Variants in ZNF609 observed in about 807,000 individuals in gnomAD.
ZNF609 encodes zinc finger protein 609.
ZNF609 carries 11 observed loss-of-function variants against 109.5 expected under a neutral mutation model. The observed-to-expected ratio is 0.10, with a 90% CI of 0.06 to 0.17. The LOEUF is 0.17. Ranked by LOEUF, ZNF609 falls within the 10% of genes least tolerant of loss-of-function variation. ZNF609 has a pLI of 1.00. For missense variants in ZNF609, 1,559 were observed against 1,772.4 expected (o/e 0.88, Z 2.16); for synonymous variants, 646 against 662.0 (o/e 0.98, Z 0.37).
At chr15:64,496,645 A>G (rs1893486420) in intron 1 of ZNF609, among the ~76,000 whole-genome samples, 1 of 152,196 alleles carries the variant, frequency 6.6e-6, no homozygotes, top group South Asian at 2.1e-4. Flanking sequence ...CACCTAGTTT[A>G]GTGCCTGGCA....
intron 2 of ZNF609, among the ~76,000 whole-genome samples, chr15:64,524,306 C>A (rs1893937842): frequency 6.6e-6 from 1 of 152,234 alleles, no homozygotes; most frequent in African/African-American, 2.4e-5. Context: ...TGGCTCACGC[C>A]TGTAATCCCA....
chr15:64,550,038 C>CTCTA (rs796417460), intron 2 of ZNF609, among the ~76,000 whole-genome samples: 4 of 152,196 alleles, frequency 2.6e-5, no homozygotes, highest in African/African-American at 9.6e-5. Context: ...TCACTGCAGC[C>CTCTA]TCTACTTCCC....
At chr15:64,523,061 A>T (rs1893917304) in intron 2 of ZNF609, among the ~76,000 whole-genome samples, 1 of 152,204 alleles carries the variant, frequency 6.6e-6, no homozygotes, top group Non-Finnish European at 1.5e-5. Context: ...ATGAGGCAGG[A>T]ATACAGTACT....
Position 64,685,873 on chromosome 15 carries a change from T to TA in ZNF609, c.*4190dup, listed in dbSNP as rs1402515851. ...GGTCAAGAGTATTTGATCAGAATTTTAAAGGGTGGTATACTCTGAAACACA... is the reference window on the plus strand; with the variant it reads ...GGTCAAGAGTATTTGATCAGAATTTTAAAAGGGTGGTATACTCTGAAACACA... On this transcript the variant is annotated 3_prime_UTR_variant, in exon 10 of 10. Coordinates refer to ENST00000326648, the MANE Select transcript of ZNF609 (RefSeq NM_015042.2). 6.6e-6 allele frequency: 1 copy of TA among 152,200 alleles called. No individual in the cohort carries two copies. Among genetic ancestry groups the TA allele is most frequent in the Non-Finnish European group, 1.5e-5 (1 of 68,044 alleles). The allele number at this position is 152,200 out of a possible 1,614,324, so 9.4% of individuals were successfully genotyped here. A position where few individuals can be genotyped will look rare whatever the true frequency, so the allele number is the denominator to read the frequency against.
chr15:64,670,838 A>G (rs1156810069), intron 4 of ZNF609, among the ~76,000 whole-genome samples: 3 of 147,786 alleles, frequency 2.0e-5, no homozygotes, highest in East Asian at 4.1e-4. Flanking sequence ...AGATCACACC[A>G]TTGCACTCCA....
chr15:64,620,010 G>A (rs1402540068), intron 2 of ZNF609, among the ~76,000 whole-genome samples: 1 of 152,148 alleles, frequency 6.6e-6, no homozygotes, highest in African/African-American at 2.4e-5. Context: ...CTCAGTGGCT[G>A]AGAGAAAGTG....
At chr15:64,590,700 G>A (rs140056220) in intron 2 of ZNF609, among the ~76,000 whole-genome samples, 2 of 151,100 alleles carry the variant, frequency 1.3e-5, no homozygotes, top group African/African-American at 4.9e-5. Flanking sequence ...ATATATATAT[G>A]TATCTGGGTT....
intron 2 of ZNF609, among the ~76,000 whole-genome samples, chr15:64,520,086 G>A (rs1322645479): frequency 6.6e-6 from 1 of 152,140 alleles, no homozygotes; most frequent in Non-Finnish European, 1.5e-5. Flanking sequence ...CCTCATGGCA[G>A]TATGTTACAG....
chr15:64,625,210 T>G (rs1175878562), intron 3 of ZNF609, among the ~76,000 whole-genome samples: 1 of 152,248 alleles, frequency 6.6e-6, no homozygotes, highest in Non-Finnish European at 1.5e-5. Context: ...TGCTCATCAT[T>G]GTATCCAAGG....
intron 2 of ZNF609, chr15:64,503,207 T>C (rs1893586942): frequency 6.6e-6 from 1 of 152,246 alleles, no homozygotes; most frequent in South Asian, 2.1e-4. Context: ...GACCATACCT[T>C]CCTCTGACAG....
rs537314150 is a variant in ZNF609, at chr15:64,583,234, T to C, written c.748-39593T>C. Among the ~76,000 whole-genome samples, 166 of 151,940 alleles carry C rather than the reference T, an allele frequency of 1.1e-3. 1 individual carries two copies. The highest frequency in any genetic ancestry group is 1.8e-3 in the Non-Finnish European group (119 of 67,944). On this transcript the variant is annotated intron_variant, in intron 2 of 9. Coordinates refer to ENST00000326648, the MANE Select transcript of ZNF609 (RefSeq NM_015042.2). ...TTTTAGTAGAGACGGGGTTTCATCA[T>C]CTTGGCCAGGAGGCAGGAGAATGGC...
chr15:64,525,793 T>C (rs954391975), intron 2 of ZNF609, among the ~76,000 whole-genome samples: 3 of 152,026 alleles, frequency 2.0e-5, no homozygotes, highest in African/African-American at 7.2e-5. Flanking sequence ...CTTTTTCTTT[T>C]TTTTTTTTGA....
chr15:64,585,836 T>C (rs1895186012), intron 2 of ZNF609, among the ~76,000 whole-genome samples: 1 of 152,184 alleles, frequency 6.6e-6, no homozygotes. Context: ...TTTTTTACTT[T>C]TTGTTTTTTT....
At chr15:64,596,978 T>C (rs962383093) in intron 2 of ZNF609, among the ~76,000 whole-genome samples, 3 of 152,156 alleles carry the variant, frequency 2.0e-5, no homozygotes, top group African/African-American at 7.2e-5. Flanking sequence ...AATTAATATT[T>C]TATTATCTCT....
At chr15:64,539,206 A>T (rs1001824264) in intron 2 of ZNF609, among the ~76,000 whole-genome samples, 2 of 125,934 alleles carry the variant, frequency 1.6e-5, no homozygotes, top group Non-Finnish European at 3.3e-5. Context: ...TTATTTATTT[A>T]TTATTTTTTA....
chr15:64,678,178 G>A lies in ZNF609; in HGVS notation c.3465G>A (p.Glu1155=). ...YPAKYSDIKS[E]DERWKEERDR... is the part of the protein sequence containing the mutation. ...CCAAGTACTCAGACATCAAGTCAGA[G>A]GATGAGCGGTGGAAGGAGGAGCGGG... The change falls in exon 6 of 10, where the codon GAG becomes GAA. Residue 1155 remains glutamate (E), a synonymous_variant. Transcript: ENST00000326648. 2 of 1,614,202 alleles carry A rather than the reference G, an allele frequency of 1.2e-6. No individual in the cohort carries two copies. Among genetic ancestry groups the A allele is most frequent in the Non-Finnish European group, 1.7e-6 (2 of 1,180,044 alleles).
At chr15:64,477,363 A>G (rs1460146307) in intron 1 of ZNF609, among the ~76,000 whole-genome samples, 1 of 151,548 alleles carries the variant, frequency 6.6e-6, no homozygotes, top group African/African-American at 2.4e-5. Flanking sequence ...GATGGTCTCG[A>G]TCTCCTGACC....
At chr15:64,536,602 C>T (rs924581782) in intron 2 of ZNF609, among the ~76,000 whole-genome samples, 4 of 152,074 alleles carry the variant, frequency 2.6e-5, no homozygotes, top group South Asian at 4.2e-4. Context: ...ACTGGCCGGG[C>T]TCAGTGGCAC....
intron 1 of ZNF609, among the ~76,000 whole-genome samples, chr15:64,461,978 G>A (rs879608543): frequency 6.6e-6 from 1 of 152,102 alleles, no homozygotes; most frequent in Non-Finnish European, 1.5e-5. Context: ...TCATTTTATC[G>A]GGAGCGCTAC....
Sources: allele counts gnomAD v4.1 joint callset (sites outside exome capture counted in the v4.1 genomes callset), GRCh38; gene constraint gnomAD v4.1.1; transcripts MANE v1.5; gene names NCBI Gene and HGNC (gene_info 2026-07-23, HGNC 2026-07-21).